NRG3: variants seen among roughly 807,000 people sequenced by gnomAD.
NRG3 encodes pro-neuregulin-3, membrane-bound isoform.
Under a neutral mutation model 66.9 loss-of-function variants are expected in NRG3, and 31 were observed. The observed-to-expected ratio is 0.46, with a 90% CI of 0.35 to 0.63. The LOEUF (loss-of-function observed/expected upper bound fraction) is 0.63, where lower values mean the gene tolerates loss of function less well. Ranked by LOEUF, NRG3 falls within the 20% of genes least tolerant of loss-of-function variation. The pLI, the probability that NRG3 is intolerant of heterozygous loss-of-function variation, is 0.00. For synonymous variants in NRG3, 393 were observed against 359.4 expected (o/e 1.09, Z -1.06); for missense variants, 910 against 878.9 (o/e 1.04, Z -0.45).
chr10:82,104,748 T>A (rs769743584), intron 1 of NRG3, among the ~76,000 whole-genome samples: 7 of 152,210 alleles, frequency 4.6e-5, no homozygotes, highest in African/African-American at 7.2e-5. Context: ...TGTATCAATC[T>A]CTCCATTAAT....
rs547978220 is a variant in NRG3 at position 82,936,021 on chromosome 10, G to GTGTA, written c.1055-15446_1055-15443dup. Among the ~76,000 whole-genome samples the GTGTA allele has an allele frequency of 1.8e-4, 28 of 152,296 alleles. No individual in the cohort carries two copies. The South Asian group carries it at 5.6e-3, about 30-fold the overall frequency. On this transcript the variant is annotated intron_variant, in intron 4 of 8. Coordinates refer to ENST00000372141, the MANE Select transcript of NRG3 (RefSeq NM_001010848.4). Reference sequence around the variant, plus strand: ...GAAGGTGGCTAGTAATTAGGAAGCAGTGTATACAGGGGTATGGATCATATT... The same window carrying GTGTA: ...GAAGGTGGCTAGTAATTAGGAAGCAGTGTATGTATACAGGGGTATGGATCATATT...
chr10:82,510,025 C>T (rs770857715), intron 2 of NRG3, among the ~76,000 whole-genome samples: 6 of 152,166 alleles, frequency 3.9e-5, no homozygotes, highest in African/African-American at 1.4e-4. Context: ...CTACCCCTGA[C>T]CAAGTATCCC....
At chr10:82,740,568 C>T (rs1232191344) in intron 3 of NRG3, among the ~76,000 whole-genome samples, 4 of 151,984 alleles carry the variant, frequency 2.6e-5, no homozygotes, top group African/African-American at 9.7e-5. Context: ...CACGGTGGTT[C>T]ATGCCTATAA....
intron 1 of NRG3, among the ~76,000 whole-genome samples, chr10:82,113,670 C>G (rs944396114): frequency 6.6e-6 from 1 of 152,052 alleles, no homozygotes; most frequent in Non-Finnish European, 1.5e-5. Context: ...TGAATAAGGT[C>G]TATAGTTTAG....
At chr10:82,560,078 G>A (rs2044934286) in intron 2 of NRG3, among the ~76,000 whole-genome samples, 1 of 151,252 alleles carries the variant, frequency 6.6e-6, no homozygotes, top group Non-Finnish European at 1.5e-5. Flanking sequence ...TTATCTTCAA[G>A]TATTCATGTT....
intron 1 of NRG3, among the ~76,000 whole-genome samples, chr10:82,262,851 G>T (rs1046410613): frequency 6.6e-6 from 1 of 152,162 alleles, no homozygotes; most frequent in African/African-American, 2.4e-5. Context: ...GAGGCTCAGA[G>T]AGTTAAAAAG....
rs1057502210 is a variant in NRG3 at position 82,222,930 on chromosome 10, A to G, written c.824-135809A>G. Among the ~76,000 whole-genome samples, 3 of 152,266 alleles carry G rather than the reference A, an allele frequency of 2.0e-5. No homozygotes were observed. The South Asian group carries it at 6.2e-4, about 32-fold the overall frequency. ...TGTTCTCTTCATTTTGCTTTTGGCT[A>G]GCTTGTATAGAAACATGTTATTTTT... On this transcript the variant is annotated intron_variant, in intron 1 of 8. Coordinates refer to ENST00000372141, the MANE Select transcript of NRG3 (RefSeq NM_001010848.4).
intron 2 of NRG3, among the ~76,000 whole-genome samples, chr10:82,368,034 A>G (rs1294537659): frequency 6.6e-6 from 1 of 152,156 alleles, no homozygotes; most frequent in Non-Finnish European, 1.5e-5. Context: ...AAATAAATAA[A>G]TAAAACATAT....
At position 82,362,964 on chromosome 10, in the gene NRG3, G is replaced by A. The variant is rs562740454; in HGVS notation, c.953+4096G>A. Among the ~76,000 whole-genome samples, 10 of 152,242 alleles carry A rather than the reference G, an allele frequency of 6.6e-5. No individual in the cohort carries two copies. The South Asian group carries it at 1.2e-3, about 19-fold the overall frequency. On this transcript the variant is annotated intron_variant, in intron 2 of 8. Transcript: ENST00000372141. ...TAAGTAAAATTACATGTTTATTTAT[G>A]TTCAGCAATTGTAAGGACCTTGTGA... is the stretch of plus-strand genomic sequence containing the variant.
chr10:82,722,026 A>T (rs868693209), intron 2 of NRG3, among the ~76,000 whole-genome samples: 3 of 152,166 alleles, frequency 2.0e-5, no homozygotes, highest in Non-Finnish European at 2.9e-5. Context: ...TTCCAAAAGA[A>T]CATATGTTCT....
At chr10:82,223,680 C>CAT (rs1250265524) in intron 1 of NRG3, among the ~76,000 whole-genome samples, 1 of 134,428 alleles carries the variant, frequency 7.4e-6, no homozygotes, top group Non-Finnish European at 1.6e-5. Context: ...CACACACACA[C>CAT]ACATACACAC....
chr10:81,922,716 C>T (rs1349482700), intron 1 of NRG3, among the ~76,000 whole-genome samples: 1 of 152,140 alleles, frequency 6.6e-6, no homozygotes, highest in Non-Finnish European at 1.5e-5. Flanking sequence ...GTAAAGCATT[C>T]CATCCTTTTC....
intron 2 of NRG3, among the ~76,000 whole-genome samples, chr10:82,594,997 A>AT (rs1322432777): frequency 6.6e-6 from 1 of 150,450 alleles, no homozygotes; most frequent in East Asian, 1.9e-4. Context: ...ATTTATTTTT[A>AT]TTTTTTAGAG....
chr10:82,849,043 A>G (rs1430314696), intron 3 of NRG3, among the ~76,000 whole-genome samples: 1 of 152,196 alleles, frequency 6.6e-6, no homozygotes, highest in Non-Finnish European at 1.5e-5. Flanking sequence ...CAGTAACTCC[A>G]ATTACCTTAT....
intron 2 of NRG3, among the ~76,000 whole-genome samples, chr10:82,532,349 G>C (rs552018087): frequency 6.6e-6 from 1 of 150,986 alleles, no homozygotes; most frequent in Admixed American, 6.6e-5. Flanking sequence ...CCAAGTTATG[G>C]CATGTTGCAG....
At chr10:82,456,080 ATC>A (rs1489635364) in intron 2 of NRG3, among the ~76,000 whole-genome samples, 1 of 150,664 alleles carries the variant, frequency 6.6e-6, no homozygotes, top group Non-Finnish European at 1.5e-5. Context: ...GCCCAAAAAT[ATC>A]TGTTTTTATA....
intron 3 of NRG3, among the ~76,000 whole-genome samples, chr10:82,858,776 C>A (rs890078425): frequency 6.6e-6 from 1 of 152,072 alleles, no homozygotes; most frequent in Admixed American, 6.6e-5. Flanking sequence ...AGAGCAGGTA[C>A]CTTATATCGG....
At chr10:82,015,268 A>C (rs2061736849) in intron 1 of NRG3, among the ~76,000 whole-genome samples, 1 of 152,216 alleles carries the variant, frequency 6.6e-6, no homozygotes, top group African/African-American at 2.4e-5. Context: ...CAGATTTTGA[A>C]AGCAAACCTT....
chr10:82,946,306 C>T (rs1226546757), intron 4 of NRG3, among the ~76,000 whole-genome samples: 1 of 151,300 alleles, frequency 6.6e-6, no homozygotes, highest in Admixed American at 6.6e-5. Flanking sequence ...TTTGGAAGGC[C>T]AAGGTGGGTG....
Sources: allele counts gnomAD v4.1 joint callset (sites outside exome capture counted in the v4.1 genomes callset), GRCh38; gene constraint gnomAD v4.1.1; transcripts MANE v1.5; gene names NCBI Gene and HGNC (gene_info 2026-07-23, HGNC 2026-07-21).